COLGALT2: variants seen among roughly 807,000 people sequenced by gnomAD.
The protein encoded by COLGALT2 is collagen beta(1-O)galactosyltransferase 2.
Under a neutral mutation model 73.4 loss-of-function variants are expected in COLGALT2, and 49 were observed. The observed-to-expected ratio is 0.67, with a 90% CI of 0.53 to 0.85. COLGALT2 has a LOEUF of 0.85. Ranked by LOEUF, COLGALT2 falls within the 40% of genes least tolerant of loss-of-function variation. The probability of loss-of-function intolerance (pLI) is 0.00; values close to 1 mark genes in which losing one functional copy is unlikely to be tolerated. For synonymous variants in COLGALT2, 295 were observed against 307.6 expected (o/e 0.96, Z 0.43); for missense variants, 722 against 790.2 (o/e 0.91, Z 1.03).
chr1:183,948,720 G>C (rs752104470), intron 8 of COLGALT2, among the ~76,000 whole-genome samples: 1 of 152,074 alleles, frequency 6.6e-6, no homozygotes, highest in Non-Finnish European at 1.5e-5. Flanking sequence ...ATCCAGCAAG[G>C]GTAGTTGGAC....
At chr1:184,031,048 T>C (rs190506818) in intron 1 of COLGALT2, among the ~76,000 whole-genome samples, 55 of 152,358 alleles carry the variant, frequency 3.6e-4, no homozygotes, top group Non-Finnish European at 6.6e-4. Context: ...CTTCAGTTTT[T>C]ACCCAGAGGA....
rs532617859 is a variant in COLGALT2, at chr1:183,961,595, T to C, written c.952+2306A>G. Among the ~76,000 whole-genome samples the C allele has an allele frequency of 2.0e-5, 3 of 152,386 alleles. No homozygotes were observed. In the East Asian group the frequency reaches 5.8e-4, roughly 29 times the overall value. Reference sequence around the variant, plus strand: ...TTCTCAACATTGCAAAATCACTCTATAGATGAAGAAACTGAAGTCCTGAAA... The same window carrying C: ...TTCTCAACATTGCAAAATCACTCTACAGATGAAGAAACTGAAGTCCTGAAA... On this transcript the variant is annotated intron_variant, in intron 6 of 11. Coordinates refer to ENST00000361927, the MANE Select transcript of COLGALT2 (RefSeq NM_015101.4).
chr1:183,937,408 A>G lies in COLGALT2; in HGVS notation c.*1353T>C, dbSNP rs1360693644. 4.0e-6 allele frequency: 4 copies of G among 989,950 alleles called. No homozygotes were observed. Among genetic ancestry groups the G allele is most frequent in the Admixed American group, 6.1e-5 (1 of 16,368 alleles). The allele number at this position is 989,950 out of a possible 1,614,324, so 61.3% of individuals were successfully genotyped here. On this transcript the variant is annotated 3_prime_UTR_variant, in exon 12 of 12. Coordinates refer to ENST00000361927, the MANE Select transcript of COLGALT2 (RefSeq NM_015101.4). ...AAGAAATCGTGTAGTCCAACTCTGC[A>G]TTTTACATAAAATCAATCTGTGAAG... is the stretch of plus-strand genomic sequence containing the variant.
intron 9 of COLGALT2, among the ~76,000 whole-genome samples, 196 bp downstream of exon 9, chr1:183,945,236 G>C (rs1670217050): frequency 6.6e-6 from 1 of 152,110 alleles, no homozygotes; most frequent in Admixed American, 6.5e-5. Flanking sequence ...ACCACCCCAA[G>C]TGGCACCAAA....
chr1:183,945,544 AGCTG>A lies in COLGALT2; in HGVS notation c.1153_1156del (p.Gln385Ter), dbSNP rs779656878. The A allele has an allele frequency of 6.2e-7, 1 of 1,614,216 alleles. No individual in the cohort carries two copies. The highest frequency in any genetic ancestry group is 8.5e-7 in the Non-Finnish European group (1 of 1,180,034). On this transcript the variant is annotated frameshift_variant, in exon 9 of 12. Coordinates refer to ENST00000361927, the MANE Select transcript of COLGALT2 (RefSeq NM_015101.4). LOFTEE classifies it high-confidence loss of function. ...CAGCATTTCAATATTCAGTGCCTTC[AGCTG>A]GCTTGTGTTGAGTGCCCTGCATCAC...
intron 1 of COLGALT2, among the ~76,000 whole-genome samples, chr1:184,014,710 G>A (rs937708873): frequency 1.8e-4 from 27 of 152,170 alleles, no homozygotes; most frequent in African/African-American, 6.5e-4. Flanking sequence ...GGGAGGATGG[G>A]TCAAGGAAAA....
intron 7 of COLGALT2, 106 bp downstream of exon 7, chr1:183,954,656 G>A (rs981603392): frequency 4.9e-6 from 4 of 814,372 alleles, no homozygotes; most frequent in Non-Finnish European, 8.1e-6. Context: ...CAGCAGCCAA[G>A]CCAGTCTTGC....
chr1:184,034,705 A>C (rs923488593), intron 1 of COLGALT2, among the ~76,000 whole-genome samples: 2 of 152,206 alleles, frequency 1.3e-5, no homozygotes, highest in African/African-American at 4.8e-5. Context: ...TGAAGCTTAA[A>C]CCAGAAAATG....
At chr1:183,974,136 A>C (rs1282798491) in intron 3 of COLGALT2, among the ~76,000 whole-genome samples, 1 of 152,234 alleles carries the variant, frequency 6.6e-6, no homozygotes, top group Non-Finnish European at 1.5e-5. Flanking sequence ...ATGCCTACTT[A>C]GCTTTTCTAT....
chr1:183,940,230 G>C, intron 11 of COLGALT2, among the ~76,000 whole-genome samples: 1 of 152,200 alleles, frequency 6.6e-6, no homozygotes, highest in East Asian at 1.9e-4. Flanking sequence ...CTGAGCCAAA[G>C]GAACTGGAAA....
chr1:184,000,857 T>A (rs1671901682), intron 1 of COLGALT2, among the ~76,000 whole-genome samples: 1 of 142,926 alleles, frequency 7.0e-6, no homozygotes, highest in Non-Finnish European at 1.5e-5. Flanking sequence ...TGAGACTGAG[T>A]CTCGCTCTGT....
rs1669980195 is a variant in COLGALT2, at chr1:183,937,220, C to G, written c.*1541G>C. ...CAGGGTTTGGGGTGTGCACGGCCCC[C>G]CATATGGCTGCATGGTGCATGGACA... On this transcript the variant is annotated 3_prime_UTR_variant, in exon 12 of 12. Coordinates refer to ENST00000361927, the MANE Select transcript of COLGALT2 (RefSeq NM_015101.4). 2 of 1,211,938 alleles carry G rather than the reference C, an allele frequency of 1.7e-6. No individual in the cohort carries two copies. Among genetic ancestry groups the G allele is most frequent in the Non-Finnish European group, 2.0e-6 (2 of 976,020 alleles). The allele number at this position is 1,211,938 out of a possible 1,614,324, so 75.1% of individuals were successfully genotyped here. A position where few individuals can be genotyped will look rare whatever the true frequency, so the allele number is the denominator to read the frequency against.
intron 1 of COLGALT2, among the ~76,000 whole-genome samples, chr1:184,033,719 A>C (rs1307409052): frequency 1.3e-5 from 2 of 152,200 alleles, no homozygotes; most frequent in Admixed American, 1.3e-4. Flanking sequence ...TAAAGTGAGA[A>C]AAATTATCAC....
chr1:183,972,695 C>CT (rs34534605), intron 4 of COLGALT2, among the ~76,000 whole-genome samples: 7,905 of 142,846 alleles, frequency 0.055, 270 homozygotes, highest in Non-Finnish European at 0.081. Flanking sequence ...AATATTTGTA[C>CT]TTTTTTTTTT....
At chr1:184,009,992 A>G (rs1672190104) in intron 1 of COLGALT2, among the ~76,000 whole-genome samples, 1 of 152,200 alleles carries the variant, frequency 6.6e-6, no homozygotes, top group Non-Finnish European at 1.5e-5. Context: ...TCCATGCTGT[A>G]GATTCCTGGA....
intron 1 of COLGALT2, among the ~76,000 whole-genome samples, chr1:183,982,702 G>A (rs1225130627): frequency 6.6e-6 from 1 of 152,188 alleles, no homozygotes; most frequent in East Asian, 1.9e-4. Context: ...TGAGGCAGGA[G>A]GATCACTTGA....
intron 1 of COLGALT2, among the ~76,000 whole-genome samples, chr1:183,994,291 G>A (rs1671712860): frequency 6.6e-6 from 1 of 151,720 alleles, no homozygotes; most frequent in Non-Finnish European, 1.5e-5. Context: ...ACCCACCTCG[G>A]CCTCCCAAAG....
Position 183,937,784 on chromosome 1 carries a change from A to G in COLGALT2, c.*977T>C, listed in dbSNP as rs1669997385. 1.0e-6 allele frequency: 1 copy of G among 985,290 alleles called. No individual in the cohort carries two copies. Among genetic ancestry groups the G allele is most frequent in the Non-Finnish European group, 1.2e-6 (1 of 829,920 alleles). 61.0% of individuals were successfully genotyped at this position (985,290 alleles called of 1,614,324 possible). The stretch of plus-strand genomic sequence containing the variant: ...AAAATAAATAATTCAAAATATAATG[A>G]AAAAACTCTGGCAAGGATAGTTGCT... On this transcript the variant is annotated 3_prime_UTR_variant, in exon 12 of 12. Coordinates refer to ENST00000361927, the MANE Select transcript of COLGALT2 (RefSeq NM_015101.4).
chr1:183,944,302 T>G lies in COLGALT2; in HGVS notation c.1291A>C (p.Lys431Gln), dbSNP rs775540086. The change falls in exon 10 of 12, where the codon AAG becomes CAG. Residue 431 changes from lysine to glutamine, a missense_variant. Physicochemically the swap from Lys to Gln is moderately conservative, Grantham distance 53 (BLOSUM62 1). Coordinates refer to ENST00000361927, the MANE Select transcript of COLGALT2 (RefSeq NM_015101.4). ...WKEVIDRELE[K>Q]TLVIEDDVRF... ...ACATCGTCTTCAATTACAAGAGTCT[T>G]CTCTAGCTCTCGATCAATTACCTGC... 8.1e-6 allele frequency: 13 copies of G among 1,613,194 alleles called. No homozygotes were observed. In the East Asian group the frequency reaches 2.2e-4, roughly 28 times the overall value.
Sources: allele counts gnomAD v4.1 joint callset (sites outside exome capture counted in the v4.1 genomes callset), GRCh38; gene constraint gnomAD v4.1.1; transcripts MANE v1.5; gene names NCBI Gene and HGNC (gene_info 2026-07-23, HGNC 2026-07-21).